Variants in NPR3 observed in about 807,000 individuals in gnomAD.
NPR3 encodes natriuretic peptide receptor 3, also known as atrial natriuretic peptide receptor 3.
In NPR3, 34 loss-of-function variants were observed where a neutral mutation model predicts 54.5. The observed-to-expected ratio is 0.62, with a 90% CI of 0.47 to 0.83. The LOEUF is 0.83. NPR3 is among the 40% of genes least tolerant of loss of function. The pLI is 0.00. For missense variants in NPR3, 674 were observed against 720.8 expected, an observed-to-expected ratio of 0.94 and a Z score of 0.74; for synonymous variants, 289 against 297.1, an observed-to-expected ratio of 0.97 and a Z score of 0.28.
At chr5:32,739,344 T>C (rs1739926179) in intron 3 of NPR3, among the ~76,000 whole-genome samples, 1 of 152,156 alleles carries the variant, frequency 6.6e-6, no homozygotes. Context: ...GTCTGTAGAC[T>C]TCCATCACGT....
rs191936275 is a variant in NPR3, at chr5:32,770,601, T to A, written c.1060-4107T>A. Reference sequence around the variant, plus strand: ...TTTGATAAACAGCACCAATAATGATTACCCTGGAGCTTGGCTTTCAGCGAG... The same window carrying A: ...TTTGATAAACAGCACCAATAATGATAACCCTGGAGCTTGGCTTTCAGCGAG... On this transcript the variant is annotated intron_variant, in intron 3 of 7. Transcript: ENST00000265074. 1.7e-3 allele frequency among the ~76,000 whole-genome samples: 260 copies of A among 152,272 alleles called. 2 individuals carry two copies. The highest frequency in any genetic ancestry group is 0.014 in the Admixed American group (213 of 15,292).
chr5:32,736,571 G>T (rs747326184), intron 2 of NPR3, among the ~76,000 whole-genome samples: 2 of 152,172 alleles, frequency 1.3e-5, no homozygotes, highest in African/African-American at 4.8e-5. Flanking sequence ...TTTATTGCAT[G>T]CCTGCAAGCA....
Position 32,711,857 on chromosome 5 carries a change from T to TGGCGTTGGCGGCGGC in NPR3, c.86_100dup (p.Val29_Gly33dup). The TGGCGTTGGCGGCGGC allele has an allele frequency of 6.8e-7, 1 of 1,461,442 alleles. No individual in the cohort carries two copies. The highest frequency in any genetic ancestry group is 1.5e-5 in the South Asian group (1 of 68,026). 90.5% of individuals were successfully genotyped at this position (1,461,442 alleles called of 1,614,324 possible). A position where few individuals can be genotyped will look rare whatever the true frequency, so the allele number is the denominator to read the frequency against. On this transcript the variant is annotated inframe_insertion, in exon 1 of 8. Transcript: ENST00000265074. ...TGCTGGCCGGCGGCACCGGTGGCGGTGGCGTTGGCGGCGGCGGCGGTGGCG... is the reference window on the plus strand; with the variant it reads ...TGCTGGCCGGCGGCACCGGTGGCGGTGGCGTTGGCGGCGGCGGCGTTGGCGGCGGCGGCGGTGGCG...
At chr5:32,755,599 G>A (rs1223266388) in intron 3 of NPR3, among the ~76,000 whole-genome samples, 1 of 152,204 alleles carries the variant, frequency 6.6e-6, no homozygotes, top group Admixed American at 6.5e-5. Flanking sequence ...GGCAAATACA[G>A]GGAATCCAAG....
chr5:32,718,925 C>A (rs1347628862), intron 1 of NPR3, among the ~76,000 whole-genome samples: 1 of 152,130 alleles, frequency 6.6e-6, no homozygotes, highest in Non-Finnish European at 1.5e-5. Flanking sequence ...TTGTCTTGTG[C>A]CAGTTTTCAA....
chr5:32,695,817 C>T (rs1170919329), intron 1 of NPR3, among the ~76,000 whole-genome samples: 1 of 152,140 alleles, frequency 6.6e-6, no homozygotes, highest in Non-Finnish European at 1.5e-5. Flanking sequence ...CATTGATATG[C>T]CTTCTTTTGA....
In NPR3 at chr5:32,758,671, C is replaced by T. The variant is rs1436617306; in HGVS notation, c.1060-16037C>T. 5.3e-5 allele frequency among the ~76,000 whole-genome samples: 8 copies of T among 152,026 alleles called. No homozygotes were observed. The East Asian group carries it at 1.4e-3, about 26-fold the overall frequency. ...CTTTTGAATGTGTTTGCTCTTGCTT[C>T]TCTAGTTCTTTTAATTGTGATGTTA... On this transcript the variant is annotated intron_variant, in intron 3 of 7. Transcript: ENST00000265074.
rs569665367 is a variant in NPR3 at position 32,717,538 on chromosome 5, A to T, written c.769+4993A>T. ...TCTGTTGTTTCCTGACTTTTTAATGATTGCCATTCTAACTGGCATGAGATG... is the reference window on the plus strand; with the variant it reads ...TCTGTTGTTTCCTGACTTTTTAATGTTTGCCATTCTAACTGGCATGAGATG... On this transcript the variant is annotated intron_variant, in intron 1 of 7. Coordinates refer to ENST00000265074, the MANE Select transcript of NPR3 (RefSeq NM_001204375.2). 2.6e-5 allele frequency among the ~76,000 whole-genome samples: 4 copies of T among 152,228 alleles called. No homozygotes were observed. The East Asian group carries it at 7.7e-4, about 29-fold the overall frequency.
chr5:32,735,985 C>T (rs1039727735), intron 2 of NPR3, among the ~76,000 whole-genome samples: 3 of 152,220 alleles, frequency 2.0e-5, no homozygotes, highest in Admixed American at 1.3e-4. Flanking sequence ...AATCCCAACA[C>T]TTTGGGAGGC....
At chr5:32,691,147 G>A (rs1480424604) in intron 1 of NPR3, among the ~76,000 whole-genome samples, 3 of 152,218 alleles carry the variant, frequency 2.0e-5, no homozygotes, top group Non-Finnish European at 4.4e-5. Flanking sequence ...GGGGTGGTTT[G>A]CTATGCAGAA....
intron 3 of NPR3, among the ~76,000 whole-genome samples, chr5:32,758,110 G>A (rs1182347228): frequency 1.3e-5 from 2 of 152,120 alleles, no homozygotes; most frequent in Non-Finnish European, 2.9e-5. Flanking sequence ...GATGATGCTG[G>A]CCTCGTAAAA....
At position 32,784,789 on chromosome 5, in the gene NPR3, T is replaced by C. The variant is rs759055202; in HGVS notation, c.1427-7T>C. 1.9e-6 allele frequency: 3 copies of C among 1,611,634 alleles called. No homozygotes were observed. Among genetic ancestry groups the C allele is most frequent in the Non-Finnish European group, 2.5e-6 (3 of 1,177,862 alleles). ...TGAACCCTGATTATCCATGCTTCTT[T>C]TTCAAGCAGGTGGCCTAGAAGAATC... is the stretch of plus-strand genomic sequence containing the variant. On this transcript the variant is annotated splice_polypyrimidine_tract_variant and splice_region_variant and intron_variant, in intron 6 of 7. Coordinates refer to ENST00000265074, the MANE Select transcript of NPR3 (RefSeq NM_001204375.2).
At chr5:32,717,601 A>G (rs1048962009) in intron 1 of NPR3, among the ~76,000 whole-genome samples, 3 of 152,168 alleles carry the variant, frequency 2.0e-5, no homozygotes, top group African/African-American at 4.8e-5. Context: ...TTCTCTGATG[A>G]CCAGTGATGA....
intron 3 of NPR3, among the ~76,000 whole-genome samples, chr5:32,743,987 A>ATCTTTTTTTTTTTTTTTTTTTTTT (rs1425701544): frequency 8.8e-6 from 1 of 113,836 alleles, no homozygotes; most frequent in Non-Finnish European, 1.8e-5. Context: ...ATTCTGATGC[A>ATCTTTTTTTTTTTTTTTTTTTTTT]TTTTTTTTTT....
At chr5:32,749,320 A>G (rs185266123) in intron 3 of NPR3, among the ~76,000 whole-genome samples, 1 of 152,282 alleles carries the variant, frequency 6.6e-6, no homozygotes, top group East Asian at 1.9e-4. Context: ...GATTTTTTAA[A>G]AAAAATTTTC....
At chr5:32,708,562 C>T (rs115206108), upstream of NPR3, among the ~76,000 whole-genome samples, 150 of 152,288 alleles carry the variant, frequency 9.8e-4, no homozygotes, top group African/African-American at 3.4e-3. Flanking sequence ...AATACAATCC[C>T]ATTTAAAAAT....
chr5:32,744,270 C>T (rs1481673997), intron 3 of NPR3, among the ~76,000 whole-genome samples: 10 of 152,234 alleles, frequency 6.6e-5, no homozygotes, highest in East Asian at 1.9e-4. Flanking sequence ...GGATTACAGG[C>T]GTGAGCCATC....
At chr5:32,694,155 T>G (rs768717742) in intron 1 of NPR3, among the ~76,000 whole-genome samples, 10 of 152,182 alleles carry the variant, frequency 6.6e-5, no homozygotes, top group Admixed American at 1.3e-4. Context: ...GAAAGAATAT[T>G]GAACAAGTGC....
rs769196092 is a variant in NPR3 at position 32,695,925 on chromosome 5, C to T, written c.100+6739C>T. Among the ~76,000 whole-genome samples the T allele has an allele frequency of 1.1e-4, 16 of 152,038 alleles. No individual in the cohort carries two copies. In the South Asian group the frequency reaches 1.3e-3, roughly 12 times the overall value. On this transcript the variant is annotated intron_variant, in intron 1 of 5. Transcript: ENST00000509104. ...CTCCTTATATATTATAATTATTAAT[C>T]CCTTGTCAGATGGATAGTTTGAAAA... is the stretch of plus-strand genomic sequence containing the variant.
Sources: allele counts gnomAD v4.1 joint callset (sites outside exome capture counted in the v4.1 genomes callset), GRCh38; gene constraint gnomAD v4.1.1; transcripts MANE v1.5; gene names NCBI Gene and HGNC (gene_info 2026-07-23, HGNC 2026-07-21).